Variants in RMDN2 observed in about 807,000 individuals in gnomAD.
RMDN2 encodes regulator of microtubule dynamics 2, also known as regulator of microtubule dynamics protein 2.
In RMDN2, 61 loss-of-function variants were observed where a neutral mutation model predicts 52.8. The ratio of observed to expected loss-of-function variants is 1.16; its 90% CI spans 0.94 to 1.43. The LOEUF (loss-of-function observed/expected upper bound fraction) is 1.43, where lower values mean the gene tolerates loss of function less well. Ranked by LOEUF, RMDN2 falls within the 40% of genes most tolerant of loss-of-function variation. The probability of loss-of-function intolerance (pLI) is 0.00; values close to 1 mark genes in which losing one functional copy is unlikely to be tolerated. For synonymous variants in RMDN2, 180 were observed against 153.1 expected (o/e 1.18, Z -1.30); for missense variants, 592 against 475.3 (o/e 1.25, Z -2.28).
chr2:38,033,137 T>C (rs146273332), intron 10 of RMDN2: 3 of 152,342 alleles, frequency 2.0e-5, no homozygotes, highest in Non-Finnish European at 2.9e-5. Flanking sequence ...GGTTTATTCA[T>C]AGTTCTCTGA....
intron 2 of RMDN2, among the ~76,000 whole-genome samples, chr2:37,973,388 C>G (rs193013360): frequency 5.8e-4 from 89 of 152,330 alleles, no homozygotes; most frequent in Non-Finnish European, 9.3e-4. Flanking sequence ...TGAGTTCCTA[C>G]AACTGTATCA....
Position 38,038,042 on chromosome 2 carries a change from C to T in RMDN2, c.1714-28940C>T, listed in dbSNP as rs138312704. On this transcript the variant is annotated intron_variant, in intron 10 of 10. Transcript: ENST00000234195. ...GCTTGCAAGCCTGACCTCCGAGGCT[C>T]CTGCCATCTTCCTTCCCTCTTCTCC... is the stretch of plus-strand genomic sequence containing the variant. 4.5e-3 allele frequency among the ~76,000 whole-genome samples: 688 copies of T among 152,270 alleles called. 4 individuals carry two copies. The highest frequency in any genetic ancestry group is 9.1e-3 in the Admixed American group (139 of 15,300).
downstream of RMDN2, among the ~76,000 whole-genome samples, chr2:38,019,748 A>G (rs1022747940): frequency 1.3e-5 from 2 of 152,012 alleles, no homozygotes; most frequent in Non-Finnish European, 2.9e-5. Context: ...AGCCTGGGCA[A>G]CATGGTGAAA....
intron 10 of RMDN2, among the ~76,000 whole-genome samples, chr2:38,060,351 C>G (rs1023686958): frequency 6.6e-6 from 1 of 152,130 alleles, no homozygotes; most frequent in Non-Finnish European, 1.5e-5. Context: ...TTACAGCAAT[C>G]ATTCCTGGAA....
chr2:38,064,632 T>C (rs1430593551), intron 10 of RMDN2, among the ~76,000 whole-genome samples: 1 of 152,214 alleles, frequency 6.6e-6, no homozygotes, highest in African/African-American at 2.4e-5. Context: ...TGCTTCTGTA[T>C]ATACAATATG....
At chr2:38,040,603 A>G (rs1446447629) in intron 10 of RMDN2, among the ~76,000 whole-genome samples, 1 of 152,206 alleles carries the variant, frequency 6.6e-6, no homozygotes, top group Non-Finnish European at 1.5e-5. Context: ...TTACGAGTCT[A>G]AGGTATTTTG....
intron 2 of RMDN2, chr2:37,951,606 A>C: frequency 6.2e-7 from 1 of 1,613,482 alleles, no homozygotes; most frequent in Non-Finnish European, 8.5e-7. Context: ...CTCATCCCGT[A>C]AACTAAGTAT....
intron 2 of RMDN2, among the ~76,000 whole-genome samples, chr2:37,937,730 C>G (rs1667427851): frequency 6.6e-6 from 1 of 152,156 alleles, no homozygotes; most frequent in Non-Finnish European, 1.5e-5. Flanking sequence ...AATTTTTGCA[C>G]AATGATTTTG....
intron 10 of RMDN2, among the ~76,000 whole-genome samples, chr2:38,011,851 T>C (rs896033746): frequency 3.3e-5 from 5 of 152,156 alleles, no homozygotes; most frequent in African/African-American, 9.7e-5. Flanking sequence ...GCAAAAGGAA[T>C]GTGCCCACTT....
chr2:37,974,198 G>A lies in RMDN2; in HGVS notation c.611G>A (p.Arg204His), dbSNP rs78045004. The A allele has an allele frequency of 1.6e-3, 2,506 of 1,610,984 alleles. 36 individuals are homozygous for A. In the African/African-American group the frequency reaches 0.029, roughly 19 times the overall value. Residue 204 changes from arginine (R) to histidine (H), a missense_variant, in exon 3 of 11, where the codon CGT becomes CAT. Arg to His is a conservative substitution (Grantham distance 29, BLOSUM62 0). Transcript: ENST00000354545. The part of the protein sequence containing the change: ...SGKSESFELL[R>H]DHKEKFRDEI... ...AAGTCGGAGAGTTTTGAACTACTTC[G>A]TGACCACAAAGAAAAGGTAAGAGAC...
chr2:37,929,308 C>T lies in RMDN2; in HGVS notation c.31C>T (p.Leu11Phe). The change falls in exon 2 of 11, where the codon CTT (leucine) becomes TTT (phenylalanine). Residue 11 changes from leucine to phenylalanine, a missense_variant. Physicochemically the swap from Leu to Phe is conservative, Grantham distance 22 (BLOSUM62 0). Coordinates refer to ENST00000354545, the MANE Select transcript of RMDN2 (RefSeq NM_001170791.3). MPYSTNKELI[L>F]GIMVGTAGIS... ...TTATTCCACAAACAAAGAGTTGATA[C>T]TTGGCATCATGGTGGGCACTGCTGG... 1.3e-6 allele frequency: 2 copies of T among 1,544,578 alleles called. No individual in the cohort carries two copies. The highest frequency in any genetic ancestry group is 4.9e-5 in the East Asian group (2 of 40,790).
chr2:37,953,590 A>G (rs1263822806), intron 2 of RMDN2, among the ~76,000 whole-genome samples: 1 of 152,016 alleles, frequency 6.6e-6, no homozygotes. Flanking sequence ...TCCTTTATCC[A>G]CCAGTGGACA....
At chr2:38,058,937 C>T (rs996796434) in intron 10 of RMDN2, among the ~76,000 whole-genome samples, 6 of 152,170 alleles carry the variant, frequency 3.9e-5, no homozygotes, top group Non-Finnish European at 8.8e-5. Flanking sequence ...CTCACTTACT[C>T]GGAGGAGGGG....
chr2:37,926,373 C>T (rs929099613), intron 1 of RMDN2, among the ~76,000 whole-genome samples: 1 of 151,964 alleles, frequency 6.6e-6, no homozygotes, highest in Non-Finnish European at 1.5e-5. Context: ...ATTCTATTTT[C>T]TTTAGAGTCA....
intron 10 of RMDN2, among the ~76,000 whole-genome samples, chr2:38,027,757 C>G (rs1415316243): frequency 6.6e-6 from 1 of 152,102 alleles, no homozygotes; most frequent in Non-Finnish European, 1.5e-5. Context: ...TACAACCCAC[C>G]TAATTTAAAA....
intron 2 of RMDN2, chr2:37,951,815 G>A: frequency 6.2e-7 from 1 of 1,613,514 alleles, no homozygotes. Flanking sequence ...CAGCCTTTGG[G>A]AACACTATTG....
chr2:37,942,476 T>C lies in RMDN2; in HGVS notation c.452+12747T>C, dbSNP rs80301316. ...TACATTTGAAGTCCTGAGTTATAGATTAACTATATTATTATTATATGTTAC... is the reference window on the plus strand; with the variant it reads ...TACATTTGAAGTCCTGAGTTATAGACTAACTATATTATTATTATATGTTAC... On this transcript the variant is annotated intron_variant, in intron 2 of 10. Coordinates refer to ENST00000354545, the MANE Select transcript of RMDN2 (RefSeq NM_001170791.3). Among the ~76,000 whole-genome samples the C allele has an allele frequency of 3.4e-3, 512 of 152,324 alleles. 4 individuals carry two copies. In the East Asian group the frequency reaches 0.036, roughly 11 times the overall value.
chr2:37,920,997 A>T (rs931408868), upstream of RMDN2, among the ~76,000 whole-genome samples: 1 of 152,256 alleles, frequency 6.6e-6, no homozygotes, highest in African/African-American at 2.4e-5. Context: ...CATGGAACAA[A>T]AACTTAATGT....
At chr2:38,000,648 AT>A (rs1676191814) in intron 8 of RMDN2, among the ~76,000 whole-genome samples, 1 of 152,134 alleles carries the variant, frequency 6.6e-6, no homozygotes, top group Non-Finnish European at 1.5e-5. Context: ...CTGTTTTGAG[AT>A]TCATTCATTT....
Sources: allele counts gnomAD v4.1 joint callset (sites outside exome capture counted in the v4.1 genomes callset), GRCh38; gene constraint gnomAD v4.1.1; transcripts MANE v1.5; gene names NCBI Gene and HGNC (gene_info 2026-07-23, HGNC 2026-07-21).